ATCAY: variants seen among roughly 807,000 people sequenced by gnomAD.
ATCAY encodes the protein caytaxin.
ATCAY carries 22 observed loss-of-function variants against 47.7 expected under a neutral mutation model. The observed-to-expected ratio is 0.46, with a 90% CI of 0.33 to 0.66. The LOEUF (loss-of-function observed/expected upper bound fraction) is 0.66, where lower values mean the gene tolerates loss of function less well. Ranked by LOEUF, ATCAY falls within the 30% of genes least tolerant of loss-of-function variation. ATCAY has a pLI of 0.02. For synonymous variants in ATCAY, 216 were observed against 207.6 expected, an observed-to-expected ratio of 1.04 and a Z score of -0.35; for missense variants, 452 against 515.0, an observed-to-expected ratio of 0.88 and a Z score of 1.18.
chr19:3,918,704 C>A, intron 10 of ATCAY, 102 bp from the exon 11 acceptor site: 4 of 1,250,798 alleles, frequency 3.2e-6, no homozygotes, highest in Non-Finnish European at 4.6e-6. Context: ...GAAAACAGGT[C>A]CCAGGGGACA....
chr19:3,917,608 A>C lies in ATCAY; in HGVS notation c.966-134A>C, dbSNP rs1294841681. The C allele has an allele frequency of 1.6e-4, 136 of 842,872 alleles. No homozygotes were observed. In the African/African-American group the frequency reaches 2.3e-3, roughly 14 times the overall value. The allele number at this position is 842,872 out of a possible 1,614,324, so 52.2% of individuals were successfully genotyped here. A position where few individuals can be genotyped will look rare whatever the true frequency, so the allele number is the denominator to read the frequency against. ...TCAAAAAAAAAAAAAAAAAAAAAAA[A>C]AAGGAAGAAGAAGAAGAAGAAAAGA... On this transcript the variant is annotated intron_variant, in intron 9 of 12. Transcript: ENST00000450849.
chr19:3,905,292 C>T lies in ATCAY; in HGVS notation c.137-142C>T, dbSNP rs111345257. ...ATGTCGGTTTAATTCTGCCCACCCC[C>T]GCCAATGGCATGGATACAGAAGGGA... On this transcript the variant is annotated intron_variant, in intron 3 of 12. Transcript: ENST00000450849. 5.8e-4 allele frequency: 467 copies of T among 799,292 alleles called. 2 individuals are homozygous for T. The African/African-American group carries it at 6.2e-3, about 11-fold the overall frequency. 49.5% of individuals were successfully genotyped at this position (799,292 alleles called of 1,614,324 possible).
intron 2 of ATCAY, among the ~76,000 whole-genome samples, chr19:3,895,762 G>A (rs369194881): frequency 2.8e-5 from 4 of 145,204 alleles, no homozygotes; most frequent in African/African-American, 5.1e-5. Context: ...TTGCTCAGGC[G>A]GGAGTGCAGT....
At chr19:3,888,411 C>T (rs2038682703) in intron 2 of ATCAY, among the ~76,000 whole-genome samples, 1 of 151,916 alleles carries the variant, frequency 6.6e-6, no homozygotes, top group African/African-American at 2.4e-5. Context: ...GGGCAAATCA[C>T]TTGAGGTCAG....
rs1315492604 is a variant in ATCAY at position 3,907,142 on chromosome 19, A to G, written c.359-592A>G. Among the ~76,000 whole-genome samples, 4 of 147,812 alleles carry G rather than the reference A, an allele frequency of 2.7e-5. No homozygotes were observed. The highest frequency in any genetic ancestry group is 6.0e-5 in the Non-Finnish European group (4 of 66,296). On this transcript the variant is annotated intron_variant, in intron 4 of 12. Coordinates refer to ENST00000450849, the MANE Select transcript of ATCAY (RefSeq NM_033064.5). The surrounding 1 kb of genome is among the most constrained non-coding windows in gnomAD (Gnocchi z 5.1). ...GAACAAGACTCTCTCAAAAAAAAAA[A>G]AGAAAGAAAAAAAAAAATTAAGGAC...
At chr19:3,887,963 A>C (rs2038677879) in intron 2 of ATCAY, among the ~76,000 whole-genome samples, 1 of 151,830 alleles carries the variant, frequency 6.6e-6, no homozygotes, top group African/African-American at 2.4e-5. Flanking sequence ...AAATTAAAAA[A>C]AATTAGCTGG....
Position 3,885,848 on chromosome 19 carries a change from G to C in ATCAY, c.77+4G>C. 3 of 1,551,810 alleles carry C rather than the reference G, an allele frequency of 1.9e-6. No homozygotes were observed. The African/African-American group carries it at 4.1e-5, about 21-fold the overall frequency. On this transcript the variant is annotated splice_donor_region_variant and intron_variant, in intron 2 of 12. Coordinates refer to ENST00000450849, the MANE Select transcript of ATCAY (RefSeq NM_033064.5). ...GGCAGGACGAAGATCTTCCCAGGTA[G>C]GACTTCCACATCCCTGAGTCAACCG...
intron 1 of ATCAY, among the ~76,000 whole-genome samples, chr19:3,881,524 A>C (rs903814466): frequency 4.6e-5 from 7 of 152,172 alleles, no homozygotes; most frequent in Middle Eastern, 3.4e-3. Flanking sequence ...ATCAGACATC[A>C]GGGCTCAAAT....
chr19:3,907,934 C>A lies in ATCAY; in HGVS notation c.544+15C>A. The A allele has an allele frequency of 6.2e-7, 1 of 1,609,532 alleles. No individual in the cohort carries two copies. Among genetic ancestry groups the A allele is most frequent in the South Asian group, 1.1e-5 (1 of 90,562 alleles). ...CACCCACGGAGGTGAGACCCGCCCC[C>A]CGGTGCCCCCTTGGGGCTCCAGCCC... On this transcript the variant is annotated intron_variant, in intron 5 of 12. Transcript: ENST00000450849. This position sits in a 1 kb window ranked among gnomAD's most constrained non-coding sequence, Gnocchi z 5.1.
At chr19:3,885,414 C>T (rs1194464788) in intron 1 of ATCAY, among the ~76,000 whole-genome samples, 2 of 151,844 alleles carry the variant, frequency 1.3e-5, no homozygotes, top group Non-Finnish European at 2.9e-5. Flanking sequence ...ATTAACCAGG[C>T]GTGGTGATGG....
In ATCAY at chr19:3,907,203, G is replaced by A. The variant is rs572197827; in HGVS notation, c.359-531G>A. On this transcript the variant is annotated intron_variant, in intron 4 of 12. Coordinates refer to ENST00000450849, the MANE Select transcript of ATCAY (RefSeq NM_033064.5). This position sits in a 1 kb window ranked among gnomAD's most constrained non-coding sequence, Gnocchi z 5.1. ...CTCATTCCTGTAATCCCAGAGCTTC[G>A]GGAGGCCAGGGTAGGAGGATCGCTT... 4.0e-5 allele frequency among the ~76,000 whole-genome samples: 6 copies of A among 151,880 alleles called. No homozygotes were observed. Among genetic ancestry groups the A allele is most frequent in the South Asian group, 4.2e-4 (2 of 4,794 alleles).
Position 3,895,558 on chromosome 19 carries a change from G to A in ATCAY, c.78-6929G>A, listed in dbSNP as rs145240115. Among the ~76,000 whole-genome samples the A allele has an allele frequency of 5.5e-3, 838 of 152,038 alleles. 11 individuals carry two copies. The highest frequency in any genetic ancestry group is 0.019 in the African/African-American group (801 of 41,468). ...AAAACAGAGGCTCAGGGAGGAGAAG[G>A]CACCACCCAGACTCGTAGCGCTGGA... On this transcript the variant is annotated intron_variant, in intron 2 of 12. Transcript: ENST00000450849.
At chr19:3,916,114 C>G (rs2038964417) in intron 9 of ATCAY, among the ~76,000 whole-genome samples, 1 of 151,934 alleles carries the variant, frequency 6.6e-6, no homozygotes, top group African/African-American at 2.4e-5. Flanking sequence ...TCTGACGACT[C>G]TAGGGACCTC....
intron 1 of ATCAY, among the ~76,000 whole-genome samples, chr19:3,881,979 G>C (rs1233927991): frequency 6.7e-6 from 1 of 150,038 alleles, no homozygotes; most frequent in Non-Finnish European, 1.5e-5. Context: ...AATCGAGTGA[G>C]AAACGCTCAC....
At position 3,906,149 on chromosome 19, in the gene ATCAY, C is replaced by T. The variant is rs1442832228; in HGVS notation, c.358+494C>T. Among the ~76,000 whole-genome samples, 10 of 136,570 alleles carry T rather than the reference C, an allele frequency of 7.3e-5. No individual in the cohort carries two copies. The South Asian group carries it at 9.1e-4, about 12-fold the overall frequency. 89.6% of individuals were successfully genotyped at this position (136,570 alleles called of 152,430 possible). A position where few individuals can be genotyped will look rare whatever the true frequency, so the allele number is the denominator to read the frequency against. On this transcript the variant is annotated intron_variant, in intron 4 of 12. Coordinates refer to ENST00000450849, the MANE Select transcript of ATCAY (RefSeq NM_033064.5). Reference sequence around the variant, plus strand: ...TTGTGCCACTGCACTCCAGCCTGGGCGACAGAGCGAGACTCCGTCTCAAAA... The same window carrying T: ...TTGTGCCACTGCACTCCAGCCTGGGTGACAGAGCGAGACTCCGTCTCAAAA...
chr19:3,908,885 C>T (rs1284460303), intron 6 of ATCAY, among the ~76,000 whole-genome samples: 2 of 91,270 alleles, frequency 2.2e-5, no homozygotes, highest in Non-Finnish European at 4.5e-5. Flanking sequence ...TCCTCTCCTT[C>T]CCTCTCCTCC....
chr19:3,917,584 C>CAA lies in ATCAY; in HGVS notation c.966-133_966-132dup, dbSNP rs71166940. Among the ~76,000 whole-genome samples the CAA allele has an allele frequency of 4.9e-4, 20 of 40,832 alleles. 1 individual carries two copies. The highest frequency in any genetic ancestry group is 1.1e-3 in the South Asian group (1 of 944). 26.8% of individuals were successfully genotyped at this position (40,832 alleles called of 152,430 possible). On this transcript the variant is annotated intron_variant, in intron 9 of 12. Transcript: ENST00000450849. ...TGGGCGACAGTGCAAGACTCCATCT[C>CAA]AAAAAAAAAAAAAAAAAAAAAAAAA...
chr19:3,918,906 A>T (rs2038991726), intron 11 of ATCAY, 29 bp downstream of exon 11: 1 of 1,613,338 alleles, frequency 6.2e-7, no homozygotes, highest in Non-Finnish European at 8.5e-7. Flanking sequence ...ATGGGCAGAG[A>T]GCTGACAGTC....
In ATCAY at chr19:3,887,719, C is replaced by T. The variant is rs1449423653; in HGVS notation, c.77+1875C>T. ...GCCAGGATGGTCTCGATCGTCTGAC[C>T]TCGTGATCCGCCCACCTCGGCCTCC... On this transcript the variant is annotated intron_variant, in intron 2 of 12. Coordinates refer to ENST00000450849, the MANE Select transcript of ATCAY (RefSeq NM_033064.5). 4.0e-5 allele frequency among the ~76,000 whole-genome samples: 6 copies of T among 150,676 alleles called. No individual in the cohort carries two copies. In the East Asian group the frequency reaches 1.2e-3, roughly 30 times the overall value.
Sources: gnomAD v4.1 joint callset for allele counts (sites outside exome capture counted in the v4.1 genomes callset) on GRCh38, gnomAD v4.1.1 for gene constraint, Gnocchi (gnomAD v3.1) non-coding constraint, MANE v1.5 for transcripts, NCBI Gene and HGNC (gene_info 2026-07-23, HGNC 2026-07-21) for gene names.